Variants in THOC2 observed in about 807,000 individuals in gnomAD.
THOC2 encodes THO complex 2.
In THOC2, 10 loss-of-function variants were observed where a neutral mutation model predicts 128.4. That is an observed-to-expected ratio of 0.08 (90% confidence interval 0.05 to 0.13). THOC2 has a LOEUF of 0.13. Among genes scored for constraint, THOC2 ranks in the 10% least tolerant of loss-of-function variants. The pLI, the probability that THOC2 is intolerant of heterozygous loss-of-function variation, is 1.00. For missense variants in THOC2, 535 were observed against 1,155.7 expected (o/e 0.46, Z 7.79); for synonymous variants, 393 against 396.9 (o/e 0.99, Z 0.12).
At chrX:123,678,930 A>T (rs2049633232) in intron 8 of THOC2, among the ~76,000 whole-genome samples, 1 of 110,674 alleles carries the variant, frequency 9.0e-6, no homozygotes, top group African/African-American at 3.3e-5. Flanking sequence ...TTGCCTTTAT[A>T]CCTGTTATGA....
At chrX:123,704,978 C>A (rs1171645331) in intron 3 of THOC2, among the ~76,000 whole-genome samples, 1 of 112,312 alleles carries the variant, frequency 8.9e-6, no homozygotes, top group Non-Finnish European at 1.9e-5. Flanking sequence ...GGGCTATTTT[C>A]CATTAGAAGG....
rs745507271 is a variant in THOC2, at chrX:123,627,987, AATAC to A, written c.2482-23_2482-20del. ...ACTTTGACTGTAGATAAAAAGTAAA[AATAC>A]ATACATACATACACACACAACATAA... On this transcript the variant is annotated intron_variant, in intron 22 of 38. Coordinates refer to ENST00000245838, the MANE Select transcript of THOC2 (RefSeq NM_001081550.2). 7 of 1,125,114 alleles carry A rather than the reference AATAC, an allele frequency of 6.2e-6. No individual in the cohort carries two copies. Among genetic ancestry groups the A allele is most frequent in the Non-Finnish European group, 6.1e-6 (5 of 820,542 alleles). 92.7% of individuals were successfully genotyped at this position (1,125,114 alleles called of 1,213,427 possible).
intron 12 of THOC2, among the ~76,000 whole-genome samples, chrX:123,655,972 T>C (rs763552003): frequency 2.5e-4 from 27 of 109,011 alleles, no homozygotes; most frequent in Non-Finnish European, 1.9e-4. Flanking sequence ...GAGCTGAGAT[T>C]GCACCACTGC....
chrX:123,639,194 T>C (rs2047808641), intron 16 of THOC2, among the ~76,000 whole-genome samples, 167 bp from the exon 17 acceptor site: 1 of 112,070 alleles, frequency 8.9e-6, no homozygotes, highest in African/African-American at 3.2e-5. Context: ...AAATATTTCA[T>C]ATTTATATAG....
chrX:123,662,197 T>C (rs1269048985), intron 12 of THOC2, among the ~76,000 whole-genome samples: 1 of 111,869 alleles, frequency 8.9e-6, no homozygotes, highest in Non-Finnish European at 1.9e-5. Flanking sequence ...TTAGTTGTCA[T>C]GATTCACAAC....
At position 123,640,627 on chromosome X, in the gene THOC2, G is replaced by A. The variant is rs768165266; in HGVS notation, c.1662-5C>T. ...ACATTTTCCTTGGTTAGGCGCCTAC[G>A]GAGGAAGAAAAAGGTGGCACGGATC... On this transcript the variant is annotated splice_polypyrimidine_tract_variant and splice_region_variant and intron_variant, in intron 15 of 38. Coordinates refer to ENST00000245838, the MANE Select transcript of THOC2 (RefSeq NM_001081550.2). The A allele has an allele frequency of 5.3e-6, 6 of 1,124,929 alleles. No homozygotes were observed. The highest frequency in any genetic ancestry group is 4.2e-5 in the South Asian group (2 of 47,980). 92.7% of individuals were successfully genotyped at this position (1,124,929 alleles called of 1,213,427 possible). A position where few individuals can be genotyped will look rare whatever the true frequency, so the allele number is the denominator to read the frequency against.
At chrX:123,690,974 G>C (rs2050197338) in intron 7 of THOC2, among the ~76,000 whole-genome samples, 1 of 112,250 alleles carries the variant, frequency 8.9e-6, no homozygotes, top group South Asian at 3.7e-4. Flanking sequence ...CAATTTAGGA[G>C]GCCAAGGCAG....
chrX:123,653,295 C>T (rs1207936615), intron 12 of THOC2, among the ~76,000 whole-genome samples: 1 of 111,854 alleles, frequency 8.9e-6, no homozygotes, highest in Non-Finnish European at 1.9e-5. Context: ...AAGACTTAAA[C>T]GTTAAGACCT....
chrX:123,642,335 T>G (rs746788628), intron 15 of THOC2, among the ~76,000 whole-genome samples: 145 of 106,704 alleles, frequency 1.4e-3, no homozygotes, highest in Non-Finnish European at 2.3e-3. Flanking sequence ...TGAGGCAGGA[T>G]AATCGCTTGA....
At chrX:123,636,366 T>C (rs1314977149) in intron 18 of THOC2, among the ~76,000 whole-genome samples, 191 bp from the exon 19 acceptor site, 1 of 111,992 alleles carries the variant, frequency 8.9e-6, no homozygotes, top group East Asian at 2.8e-4. Flanking sequence ...CCAAGCACTT[T>C]ATAATGATTA....
intron 30 of THOC2, among the ~76,000 whole-genome samples, chrX:123,622,020 G>C (rs2047103738): frequency 8.9e-6 from 1 of 112,106 alleles, no homozygotes; most frequent in Non-Finnish European, 1.9e-5. Context: ...ACTCCAGCCT[G>C]GGTGACAGAG....
chrX:123,679,652 G>C (rs1312614387), intron 8 of THOC2, among the ~76,000 whole-genome samples: 3 of 112,037 alleles, frequency 2.7e-5, no homozygotes, highest in Non-Finnish European at 5.6e-5. Context: ...GATCCATGTG[G>C]GGAAAAGAAA....
chrX:123,703,725 CAAAAAAA>C (rs761049104), intron 3 of THOC2, among the ~76,000 whole-genome samples: 49 of 29,783 alleles, frequency 1.6e-3, no homozygotes, highest in Non-Finnish European at 2.3e-3. Context: ...CCATCTCTAC[CAAAAAAA>C]AAAAAAAAAA....
intron 38 of THOC2, among the ~76,000 whole-genome samples, chrX:123,607,481 T>A (rs1342023461): frequency 3.7e-5 from 4 of 107,486 alleles, no homozygotes; most frequent in Middle Eastern, 4.3e-3. Context: ...TATTTATTTA[T>A]TTATTAGAAA....
At chrX:123,701,508 C>T (rs1352868379) in intron 4 of THOC2, among the ~76,000 whole-genome samples, 1 of 110,663 alleles carries the variant, frequency 9.0e-6, no homozygotes, top group Non-Finnish European at 1.9e-5. Context: ...TCTAGTAAGT[C>T]AATAAAGAAA....
chrX:123,693,812 CAG>C (rs1438640814), intron 7 of THOC2, among the ~76,000 whole-genome samples: 5 of 110,784 alleles, frequency 4.5e-5, no homozygotes, highest in Admixed American at 2.9e-4. Context: ...GGAGTTTTGA[CAG>C]GGGTGGGCAG....
intron 12 of THOC2, among the ~76,000 whole-genome samples, chrX:123,661,683 C>A (rs770049983): frequency 1.8e-5 from 2 of 111,038 alleles, no homozygotes; most frequent in Admixed American, 1.9e-4. Context: ...TGATATACTT[C>A]CATTTCATAT....
intron 38 of THOC2, among the ~76,000 whole-genome samples, chrX:123,607,099 A>T (rs2046501634): frequency 9.0e-6 from 1 of 111,179 alleles, no homozygotes; most frequent in Non-Finnish European, 1.9e-5. Flanking sequence ...TTAAAGGCAA[A>T]GGAACTAGTA....
chrX:123,700,186 C>T (rs1489851405), intron 4 of THOC2, among the ~76,000 whole-genome samples: 1 of 109,458 alleles, frequency 9.1e-6, no homozygotes, highest in Non-Finnish European at 1.9e-5. Context: ...TGCCCCCTCA[C>T]CTTCATACTA....
Sources: gnomAD v4.1 joint callset for allele counts (sites outside exome capture counted in the v4.1 genomes callset) on GRCh38, gnomAD v4.1.1 for gene constraint, MANE v1.5 for transcripts, NCBI Gene and HGNC (gene_info 2026-07-23, HGNC 2026-07-21) for gene names.